TMCC3: variants seen among roughly 807,000 people sequenced by gnomAD.
TMCC3 encodes the protein transmembrane and coiled-coil domain family 3.
A neutral mutation model predicts 40.2 loss-of-function variants in TMCC3; 28 were observed. The ratio of observed to expected loss-of-function variants is 0.70; its 90% CI spans 0.52 to 0.95. TMCC3 has a LOEUF of 0.95. Among genes scored for constraint, TMCC3 ranks in the 40% least tolerant of loss-of-function variants. The probability of loss-of-function intolerance (pLI) is 0.00; values close to 1 mark genes in which losing one functional copy is unlikely to be tolerated. For missense variants in TMCC3, 554 were observed against 615.2 expected, an observed-to-expected ratio of 0.90 and a Z score of 1.05; for synonymous variants, 255 against 248.5, an observed-to-expected ratio of 1.03 and a Z score of -0.25.
intron 3 of TMCC3, among the ~76,000 whole-genome samples, chr12:94,576,566 C>A (rs888356340): frequency 6.6e-6 from 1 of 152,116 alleles, no homozygotes; most frequent in African/African-American, 2.4e-5. Flanking sequence ...ACCTTGAACT[C>A]CTGGGCTCAA....
intron 1 of TMCC3, among the ~76,000 whole-genome samples, chr12:94,615,179 T>C (rs1250537184): frequency 6.6e-6 from 1 of 152,212 alleles, no homozygotes; most frequent in East Asian, 1.9e-4. Flanking sequence ...TGTGTCAATA[T>C]AGAGAAGTCT....
chr12:94,596,783 T>G (rs1244129425), intron 1 of TMCC3, among the ~76,000 whole-genome samples: 1 of 152,030 alleles, frequency 6.6e-6, no homozygotes, highest in African/African-American at 2.4e-5. Context: ...TAGGGACAAG[T>G]GGCTGCCCTA....
rs1343833259 is a variant in TMCC3 at position 94,573,267 on chromosome 12, A to C, written c.1132-1530T>G. ...GGAGGCAACATCCAGTTTCTAGCTCAATTGGTCCGGTTCTCTCTCCACCCG... is the reference window on the plus strand; with the variant it reads ...GGAGGCAACATCCAGTTTCTAGCTCCATTGGTCCGGTTCTCTCTCCACCCG... On this transcript the variant is annotated intron_variant, in intron 3 of 3. Coordinates refer to ENST00000261226, the MANE Select transcript of TMCC3 (RefSeq NM_020698.4). Among the ~76,000 whole-genome samples the C allele has an allele frequency of 3.3e-5, 5 of 151,508 alleles. No homozygotes were observed. The East Asian group carries it at 9.6e-4, about 29-fold the overall frequency.
chr12:94,580,929 C>T (rs1185633316), intron 2 of TMCC3, among the ~76,000 whole-genome samples: 3 of 152,092 alleles, frequency 2.0e-5, no homozygotes, highest in African/African-American at 7.2e-5. Context: ...TTAAGATGCA[C>T]GTGAGTTGTT....
rs922833040 is a variant in TMCC3, at chr12:94,568,582, T to C, written c.*2853A>G. On this transcript the variant is annotated 3_prime_UTR_variant, in exon 4 of 4. Coordinates refer to ENST00000261226, the MANE Select transcript of TMCC3 (RefSeq NM_020698.4). ...CCAGCATATGTTACAGCTACATCACTATTTTTAATTGTAATATTTCTAAAA... is the reference window on the plus strand; with the variant it reads ...CCAGCATATGTTACAGCTACATCACCATTTTTAATTGTAATATTTCTAAAA... 12 of 152,254 alleles carry C rather than the reference T, an allele frequency of 7.9e-5. No individual in the cohort carries two copies. Among genetic ancestry groups the C allele is most frequent in the African/African-American group, 2.7e-4 (11 of 41,466 alleles). 9.4% of individuals were successfully genotyped at this position (152,254 alleles called of 1,614,324 possible).
chr12:94,646,238 G>A (rs1157767024), intron 1 of TMCC3, among the ~76,000 whole-genome samples: 1 of 152,066 alleles, frequency 6.6e-6, no homozygotes, highest in Non-Finnish European at 1.5e-5. Context: ...AGGTGCGGTG[G>A]TATTGCTAAT....
At chr12:94,650,262 G>C (rs2069048462) in intron 1 of TMCC3, 91 bp downstream of exon 1, 1 of 815,446 alleles carries the variant, frequency 1.2e-6, no homozygotes. Context: ...CGAAACGCCG[G>C]GGGCGCGTGG....
In TMCC3 at chr12:94,592,323, A is replaced by C. The variant is rs545286570; in HGVS notation, c.79-9785T>G. Reference sequence around the variant, plus strand: ...TTCTTCCTCTCTTGGCATCACTGACAAAAGAAATTCTGTAGCCTCAAGAAT... The same window carrying C: ...TTCTTCCTCTCTTGGCATCACTGACCAAAGAAATTCTGTAGCCTCAAGAAT... On this transcript the variant is annotated intron_variant, in intron 1 of 3. Transcript: ENST00000261226. Among the ~76,000 whole-genome samples, 49 of 152,036 alleles carry C rather than the reference A, an allele frequency of 3.2e-4. 1 individual carries two copies. Among genetic ancestry groups the C allele is most frequent in the Non-Finnish European group, 5.4e-4 (37 of 67,988 alleles).
chr12:94,636,474 G>C (rs2068961525), intron 1 of TMCC3, among the ~76,000 whole-genome samples: 1 of 152,196 alleles, frequency 6.6e-6, no homozygotes, highest in Admixed American at 6.5e-5. Flanking sequence ...AGAATTCTAA[G>C]ATGATTCCCA....
chr12:94,641,156 C>A (rs2068988297), intron 1 of TMCC3, among the ~76,000 whole-genome samples: 1 of 151,548 alleles, frequency 6.6e-6, no homozygotes, highest in African/African-American at 2.4e-5. Flanking sequence ...GCCAAGATGG[C>A]ACCACTGCAC....
In TMCC3 at chr12:94,569,433, G is replaced by A. The variant is rs1052307586; in HGVS notation, c.*2002C>T. The stretch of plus-strand genomic sequence containing the variant: ...AAGATCAGTGTATACACATCAACGC[G>A]GTAGACCAGGGGGAGTCTGACAATG... On this transcript the variant is annotated 3_prime_UTR_variant, in exon 4 of 4. Coordinates refer to ENST00000261226, the MANE Select transcript of TMCC3 (RefSeq NM_020698.4). 8 of 152,284 alleles carry A rather than the reference G, an allele frequency of 5.3e-5. No individual in the cohort carries two copies. The highest frequency in any genetic ancestry group is 1.9e-4 in the African/African-American group (8 of 41,528). The allele number at this position is 152,284 out of a possible 1,614,324, so 9.4% of individuals were successfully genotyped here.
chr12:94,621,415 A>AGCC (rs2068875309), intron 1 of TMCC3, among the ~76,000 whole-genome samples: 1 of 152,202 alleles, frequency 6.6e-6, no homozygotes, highest in Non-Finnish European at 1.5e-5. Context: ...TGCATCTGAC[A>AGCC]GCCGCCTTTC....
chr12:94,572,321 TTTTTTTTGA>T (rs1437096113), intron 3 of TMCC3, among the ~76,000 whole-genome samples: 28 of 116,096 alleles, frequency 2.4e-4, no homozygotes, highest in African/African-American at 6.2e-4. Context: ...TTTTTTTTTT[TTTTTTTTGA>T]GACAGAGTTT....
chr12:94,634,982 G>A (rs2068952631), intron 1 of TMCC3, among the ~76,000 whole-genome samples: 1 of 152,236 alleles, frequency 6.6e-6, no homozygotes, highest in African/African-American at 2.4e-5. Context: ...AATGTTAAGT[G>A]TTAGTTTCTG....
chr12:94,572,219 C>T lies in TMCC3; in HGVS notation c.1132-482G>A, dbSNP rs139296517. 7.4e-3 allele frequency among the ~76,000 whole-genome samples: 1,125 copies of T among 151,764 alleles called. 14 individuals carry two copies. The highest frequency in any genetic ancestry group is 0.026 in the African/African-American group (1,062 of 41,366). ...TTCGCCATATTGGCAAGGAAGGTCT[C>T]GATCTCCTGACCTCGTGATCGGCCC... On this transcript the variant is annotated intron_variant, in intron 3 of 3. Coordinates refer to ENST00000261226, the MANE Select transcript of TMCC3 (RefSeq NM_020698.4).
At chr12:94,637,883 C>T (rs772141679) in intron 1 of TMCC3, among the ~76,000 whole-genome samples, 2 of 152,202 alleles carry the variant, frequency 1.3e-5, no homozygotes, top group Non-Finnish European at 2.9e-5. Flanking sequence ...CACACATTCA[C>T]TCATTCAGTC....
At position 94,636,570 on chromosome 12, in the gene TMCC3, G is replaced by T. The variant is rs74326468; in HGVS notation, c.78+13783C>A. ...CATTATGTTATATGGAAAAATAAAG[G>T]AATTTTGCAGACATAATTAAGGCCC... On this transcript the variant is annotated intron_variant, in intron 1 of 3. Transcript: ENST00000261226. 8.2e-3 allele frequency among the ~76,000 whole-genome samples: 1,245 copies of T among 152,280 alleles called. 17 individuals carry two copies. The highest frequency in any genetic ancestry group is 0.029 in the African/African-American group (1,193 of 41,540).
intron 1 of TMCC3, 27 bp downstream of exon 1, chr12:94,650,326 C>A: frequency 8.0e-7 from 1 of 1,248,168 alleles, no homozygotes; most frequent in Non-Finnish European, 1.0e-6. Flanking sequence ...CGCGCGCACC[C>A]GCCGCCCCCC....
chr12:94,578,163 A>G (rs7307992), intron 3 of TMCC3, among the ~76,000 whole-genome samples: 36 of 149,682 alleles, frequency 2.4e-4, no homozygotes, highest in Admixed American at 3.3e-4. Context: ...AAAAAAAAAA[A>G]AAAAAGAAAA....
Sources: gnomAD v4.1 joint callset for allele counts (sites outside exome capture counted in the v4.1 genomes callset) on GRCh38, gnomAD v4.1.1 for gene constraint, MANE v1.5 for transcripts, NCBI Gene and HGNC (gene_info 2026-07-23, HGNC 2026-07-21) for gene names.